Variants in ZNF254 observed in about 807,000 individuals in gnomAD.
ZNF254 encodes CTD-2017D11.1.
Under a neutral mutation model 12.4 loss-of-function variants are expected in ZNF254, and 10 were observed. The ratio of observed to expected loss-of-function variants is 0.80; its 90% CI spans 0.50 to 1.36. The LOEUF is 1.36. Ranked by LOEUF, ZNF254 falls within the 40% of genes most tolerant of loss-of-function variation. The probability of loss-of-function intolerance (pLI) is 0.00; values close to 1 mark genes in which losing one functional copy is unlikely to be tolerated. For synonymous variants in ZNF254, 305 were observed against 253.4 expected, an observed-to-expected ratio of 1.20 and a Z score of -1.93; for missense variants, 996 against 763.9, an observed-to-expected ratio of 1.30 and a Z score of -3.58.
intron 2 of ZNF254, among the ~76,000 whole-genome samples, chr19:24,054,638 TGAATCTCAAATGCAAACA>T (rs1407491243): frequency 6.6e-6 from 1 of 152,088 alleles, no homozygotes; most frequent in African/African-American, 2.4e-5. Flanking sequence ...GCTGAAGTCT[TGAATCTCAAATGCAAACA>T]GAATCTCAAA....
Position 24,126,524 on chromosome 19 carries a change from G to A in ZNF254, c.524G>A (p.Arg175Lys). 6.3e-7 allele frequency: 1 copy of A among 1,599,876 alleles called. No homozygotes were observed. Among genetic ancestry groups the A allele is most frequent in the Non-Finnish European group, 8.5e-7 (1 of 1,175,672 alleles). ...TTAAATTCAAACAGACCTAAGATAA[G>A]ACATACTGAAAAGAAATCTTTCAAA... ...KFLNSNRPKIRHTEKKSFKCK... is the reference protein window; with the variant it reads ...KFLNSNRPKIKHTEKKSFKCK... Residue 175 changes from arginine (R) to lysine (K), a missense_variant, in exon 4 of 4, where the codon AGA becomes AAA. Physicochemically the swap from Arg to Lys is conservative, Grantham distance 26. Coordinates refer to ENST00000357002, the MANE Select transcript of ZNF254 (RefSeq NM_203282.4).
intron 1 of ZNF254, among the ~76,000 whole-genome samples, chr19:24,096,139 A>G (rs1972659201): frequency 6.6e-6 from 1 of 151,292 alleles, no homozygotes; most frequent in South Asian, 2.1e-4. Flanking sequence ...AACTCACAGC[A>G]ACCTCCGCCT....
intron 2 of ZNF254, among the ~76,000 whole-genome samples, chr19:24,047,380 C>T (rs1970434516): frequency 6.6e-6 from 1 of 151,142 alleles, no homozygotes; most frequent in Admixed American, 6.6e-5. Context: ...TCCCTCCTTT[C>T]CTCCCGCCTG....
At chr19:24,116,700 A>G (rs1455936596) in intron 3 of ZNF254, among the ~76,000 whole-genome samples, 1 of 152,134 alleles carries the variant, frequency 6.6e-6, no homozygotes, top group Non-Finnish European at 1.5e-5. Flanking sequence ...TCAACTCGTC[A>G]AAGTCATTCT....
chr19:24,106,354 G>A, intron 2 of ZNF254, 194 bp from the exon 3 acceptor site: 2 of 519,734 alleles, frequency 3.8e-6, no homozygotes, highest in East Asian at 5.3e-5. Context: ...TTTTGATTCA[G>A]TAGTACCAGG....
chr19:24,054,002 A>G (rs951774169), intron 2 of ZNF254, among the ~76,000 whole-genome samples: 1 of 152,090 alleles, frequency 6.6e-6, no homozygotes, highest in Non-Finnish European at 1.5e-5. Flanking sequence ...TGCGTCCATG[A>G]CCTAAAAGGT....
At chr19:24,034,108 C>G (rs1406221579) in intron 1 of ZNF254, among the ~76,000 whole-genome samples, 8 of 152,168 alleles carry the variant, frequency 5.3e-5, no homozygotes, top group Non-Finnish European at 1.2e-4. Context: ...CATACCTGCG[C>G]CACCACGCCT....
chr19:24,116,841 T>G (rs1048597151), intron 3 of ZNF254, among the ~76,000 whole-genome samples: 3 of 152,150 alleles, frequency 2.0e-5, no homozygotes, highest in African/African-American at 7.2e-5. Flanking sequence ...ACTTTTGGTC[T>G]TTGACGATGG....
At chr19:24,061,780 TAGAA>T (rs1372907464) in intron 2 of ZNF254, among the ~76,000 whole-genome samples, 5 of 152,074 alleles carry the variant, frequency 3.3e-5, no homozygotes, top group Admixed American at 3.3e-4. Flanking sequence ...CAGGTAGGCT[TAGAA>T]AGAGGAGTAA....
At chr19:24,109,712 TTTC>T (rs1306749411) in intron 3 of ZNF254, among the ~76,000 whole-genome samples, 1 of 144,088 alleles carries the variant, frequency 6.9e-6, no homozygotes, top group East Asian at 2.0e-4. Flanking sequence ...TCTTTTTTCT[TTTC>T]TTTTCTTTTT....
intron 2 of ZNF254, among the ~76,000 whole-genome samples, chr19:24,081,393 A>C (rs1474343328): frequency 6.6e-6 from 1 of 152,132 alleles, no homozygotes; most frequent in African/African-American, 2.4e-5. Flanking sequence ...AAGCCAAAAG[A>C]CACCAGTGGA....
intron 2 of ZNF254, among the ~76,000 whole-genome samples, chr19:24,051,425 G>T (rs1337503861): frequency 1.3e-5 from 2 of 152,202 alleles, no homozygotes; most frequent in Non-Finnish European, 2.9e-5. Context: ...CTCCCAAAGT[G>T]CTGGGATTAC....
At chr19:24,043,359 T>C (rs1326687351) in intron 1 of ZNF254, among the ~76,000 whole-genome samples, 2 of 152,162 alleles carry the variant, frequency 1.3e-5, no homozygotes, top group Non-Finnish European at 2.9e-5. Flanking sequence ...CCTCCTGGGT[T>C]CAAGCAATTC....
In ZNF254 at chr19:24,128,223, G is replaced by C. The variant is rs565019868; in HGVS notation, c.*243G>C. The C allele has an allele frequency of 2.3e-6, 1 of 427,526 alleles. No individual in the cohort carries two copies. Among genetic ancestry groups the C allele is most frequent in the African/African-American group, 2.0e-5 (1 of 48,844 alleles). The allele number at this position is 427,526 out of a possible 1,614,324, so 26.5% of individuals were successfully genotyped here. On this transcript the variant is annotated 3_prime_UTR_variant, in exon 4 of 4. Transcript: ENST00000357002. ...GGAGAAAACTACCAGTGTGAACAAC[G>C]TGGCCAAGCTTCGACAATGCTCACA...
intron 2 of ZNF254, chr19:24,080,392 G>A (rs562162155): frequency 1.8e-4 from 28 of 152,364 alleles, no homozygotes; most frequent in African/African-American, 6.5e-4. Flanking sequence ...TCTGAAGAGA[G>A]CCATCAGCAC....
upstream of ZNF254, among the ~76,000 whole-genome samples, chr19:24,083,730 T>C (rs753743275): frequency 6.6e-6 from 1 of 152,148 alleles, no homozygotes; most frequent in Non-Finnish European, 1.5e-5. Context: ...TAGATAAAAA[T>C]GCTCAACATT....
intron 3 of ZNF254, among the ~76,000 whole-genome samples, chr19:24,111,474 G>A (rs1599732895): frequency 1.3e-5 from 2 of 152,264 alleles, no homozygotes; most frequent in Non-Finnish European, 2.9e-5. Context: ...ACCCAGTAAT[G>A]GGATGGCTGG....
At chr19:24,053,027 C>A (rs544431230) in intron 2 of ZNF254, among the ~76,000 whole-genome samples, 4 of 152,198 alleles carry the variant, frequency 2.6e-5, no homozygotes, top group Non-Finnish European at 5.9e-5. Context: ...TTGCGACACT[C>A]ATATGCATAG....
At chr19:24,063,705 GTGACAATTTTT>G (rs1971163064) in intron 2 of ZNF254, 1 of 151,912 alleles carries the variant, frequency 6.6e-6, no homozygotes, top group Admixed American at 6.6e-5. Context: ...CGTAGCTGAT[GTGACAATTTTT>G]TTTTGGGTTC....
Sources: gnomAD v4.1 joint callset for allele counts (sites outside exome capture counted in the v4.1 genomes callset) on GRCh38, gnomAD v4.1.1 for gene constraint, MANE v1.5 for transcripts, NCBI Gene and HGNC (gene_info 2026-07-23, HGNC 2026-07-21) for gene names.